The following RALGAPA2 variants were observed in gnomAD, a reference collection of about 807,000 sequenced individuals.
RALGAPA2 encodes Ral GTPase activating protein catalytic subunit alpha 2, also known as ral GTPase-activating protein subunit alpha-2.
A neutral mutation model predicts 230.4 loss-of-function variants in RALGAPA2; 139 were observed. The ratio of observed to expected loss-of-function variants is 0.60; its 90% CI spans 0.53 to 0.69. The LOEUF (loss-of-function observed/expected upper bound fraction) is 0.69. Among genes scored for constraint, RALGAPA2 ranks in the 30% least tolerant of loss-of-function variants. The pLI is 0.00. For missense variants in RALGAPA2, 2,163 were observed against 2,276.0 expected (o/e 0.95, Z 1.01); for synonymous variants, 847 against 837.8 (o/e 1.01, Z -0.19).
intron 3 of RALGAPA2, among the ~76,000 whole-genome samples, chr20:20,661,449 T>C (rs889261030): frequency 1.7e-4 from 26 of 152,222 alleles, no homozygotes; most frequent in African/African-American, 6.0e-4. Flanking sequence ...TGTGAGTCAC[T>C]GTGCCTGGCT....
chr20:20,581,099 T>C (rs967669362), intron 20 of RALGAPA2, among the ~76,000 whole-genome samples: 3 of 152,194 alleles, frequency 2.0e-5, no homozygotes, highest in Non-Finnish European at 2.9e-5. Context: ...TGATTCTCTA[T>C]ATTAGTATTT....
intron 13 of RALGAPA2, 136 bp downstream of exon 13, chr20:20,615,907 C>T: frequency 1.6e-6 from 1 of 630,674 alleles, no homozygotes; most frequent in Non-Finnish European, 2.5e-6. Context: ...CTTCATAATT[C>T]ACAGAAACTG....
At chr20:20,633,651 C>A (rs1249331683) in intron 9 of RALGAPA2, among the ~76,000 whole-genome samples, 2 of 151,932 alleles carry the variant, frequency 1.3e-5, no homozygotes, top group Non-Finnish European at 2.9e-5. Context: ...CCACGCCCGG[C>A]TAATTTTTAC....
chr20:20,536,915 A>C, intron 24 of RALGAPA2, 131 bp from the exon 25 acceptor site: 1 of 1,067,382 alleles, frequency 9.4e-7, no homozygotes, highest in Non-Finnish European at 1.3e-6. Flanking sequence ...TTCCAAGTGC[A>C]TATTTAAGCA....
chr20:20,469,573 C>T (rs2061493817), intron 37 of RALGAPA2, among the ~76,000 whole-genome samples: 1 of 152,156 alleles, frequency 6.6e-6, no homozygotes, highest in Non-Finnish European at 1.5e-5. Flanking sequence ...GACTATTGTT[C>T]TATTGAAGTG....
chr20:20,622,355 T>C (rs1603096595), intron 10 of RALGAPA2, among the ~76,000 whole-genome samples: 1 of 152,062 alleles, frequency 6.6e-6, no homozygotes, highest in Non-Finnish European at 1.5e-5. Flanking sequence ...AATATATCAA[T>C]CCTTAGATTT....
chr20:20,474,874 A>T (rs1465756391), intron 36 of RALGAPA2, among the ~76,000 whole-genome samples: 1 of 152,170 alleles, frequency 6.6e-6, no homozygotes, highest in Non-Finnish European at 1.5e-5. Context: ...CTTAGAGATG[A>T]TGTTTCTAGC....
At chr20:20,531,931 C>A in intron 26 of RALGAPA2, 136 bp from the exon 27 acceptor site, 1 of 761,638 alleles carries the variant, frequency 1.3e-6, no homozygotes. Context: ...AGAATGTTTT[C>A]TTGAAAGAAA....
At chr20:20,492,121 G>T (rs972548634) in intron 36 of RALGAPA2, among the ~76,000 whole-genome samples, 1 of 152,106 alleles carries the variant, frequency 6.6e-6, no homozygotes, top group African/African-American at 2.4e-5. Flanking sequence ...TATTACATAC[G>T]CTATTAATGA....
In RALGAPA2 at chr20:20,437,461, G is replaced by A. The variant is rs990872499; in HGVS notation, c.5496-25313C>T. On this transcript the variant is annotated intron_variant, in intron 37 of 39. Transcript: ENST00000202677. This position sits in a 1 kb window ranked among gnomAD's most constrained non-coding sequence, Gnocchi z 4.1. ...GCTTTCAGGGATGGTGCCGTCCTCCGTTCAGCCTTCAGATGGCTCCCACCT... is the reference window on the plus strand; with the variant it reads ...GCTTTCAGGGATGGTGCCGTCCTCCATTCAGCCTTCAGATGGCTCCCACCT... Among the ~76,000 whole-genome samples the A allele has an allele frequency of 4.6e-5, 7 of 152,190 alleles. No homozygotes were observed. The highest frequency in any genetic ancestry group is 8.8e-5 in the Non-Finnish European group (6 of 68,030).
intron 38 of RALGAPA2, among the ~76,000 whole-genome samples, chr20:20,408,554 C>A (rs2059993077): frequency 6.6e-6 from 1 of 152,204 alleles, no homozygotes. Flanking sequence ...CATTAGCATG[C>A]AGAAGAATGA....
chr20:20,468,910 T>C (rs896081828), intron 37 of RALGAPA2, among the ~76,000 whole-genome samples: 1 of 152,040 alleles, frequency 6.6e-6, no homozygotes, highest in Non-Finnish European at 1.5e-5. Context: ...ACCCCGTCCA[T>C]GGCCCCTTAA....
rs770667583 is a variant in RALGAPA2 at position 20,635,414 on chromosome 20, A to G, written c.1005+4T>C. 77 of 1,586,642 alleles carry G rather than the reference A, an allele frequency of 4.9e-5. No homozygotes were observed. The highest frequency in any genetic ancestry group is 6.6e-5 in the Non-Finnish European group (77 of 1,166,606). On this transcript the variant is annotated splice_donor_region_variant and intron_variant, in intron 9 of 39. Transcript: ENST00000202677. The stretch of plus-strand genomic sequence containing the variant: ...AACAGATAAAAAGATGATGGATGGC[A>G]TACCTGGATGATTTTAGGCAATACA...
At chr20:20,626,990 T>C (rs1195913206) in intron 10 of RALGAPA2, among the ~76,000 whole-genome samples, 1 of 152,220 alleles carries the variant, frequency 6.6e-6, no homozygotes, top group Non-Finnish European at 1.5e-5. Context: ...TTCAAATCAA[T>C]AGTTGCTATG....
At chr20:20,506,197 CA>C (rs2062528734) in intron 33 of RALGAPA2, among the ~76,000 whole-genome samples, 1 of 152,024 alleles carries the variant, frequency 6.6e-6, no homozygotes, top group Admixed American at 6.5e-5. Context: ...ATAAACCCTT[CA>C]TCTGCTTGTT....
intron 12 of RALGAPA2, among the ~76,000 whole-genome samples, chr20:20,618,737 G>C (rs2066230182): frequency 1.3e-5 from 2 of 152,148 alleles, no homozygotes; most frequent in Admixed American, 6.5e-5. Flanking sequence ...TCCCATTTTT[G>C]AGGTAAAATC....
At chr20:20,653,482 T>A in intron 4 of RALGAPA2, 48 bp downstream of exon 4, 2 of 1,028,640 alleles carry the variant, frequency 1.9e-6, no homozygotes, top group Non-Finnish European at 2.9e-6. Flanking sequence ...TACTGAAAAT[T>A]CAACTGGAAG....
At chr20:20,486,416 A>G (rs1199759199) in intron 36 of RALGAPA2, among the ~76,000 whole-genome samples, 1 of 152,038 alleles carries the variant, frequency 6.6e-6, no homozygotes, top group Non-Finnish European at 1.5e-5. Flanking sequence ...CAATAAATAT[A>G]TTATGCCACT....
At position 20,397,984 on chromosome 20, in the gene RALGAPA2, GCTGA is replaced by G. The variant is rs144819291; in HGVS notation, c.5618-1254_5618-1251del. ...TGGGCACAAGAGGTTCTGGGCTGCT[GCTGA>G]CTGTTGGTCATGGGCTAGAATGTTT... On this transcript the variant is annotated intron_variant, in intron 38 of 39. Coordinates refer to ENST00000202677, the MANE Select transcript of RALGAPA2 (RefSeq NM_020343.4). Among the ~76,000 whole-genome samples the G allele has an allele frequency of 6.4e-4, 97 of 152,182 alleles. 4 individuals are homozygous for G. In the East Asian group the frequency reaches 0.016, roughly 25 times the overall value.
Sources: gnomAD v4.1 joint callset for allele counts (sites outside exome capture counted in the v4.1 genomes callset) on GRCh38, gnomAD v4.1.1 for gene constraint, Gnocchi (gnomAD v3.1) non-coding constraint, MANE v1.5 for transcripts, NCBI Gene and HGNC (gene_info 2026-07-23, HGNC 2026-07-21) for gene names.